Variants in PRKAG2 observed in about 807,000 individuals in gnomAD.
The protein encoded by PRKAG2 is protein kinase AMP-activated non-catalytic subunit gamma 2, also known as 5'-AMP-activated protein kinase subunit gamma-2.
A neutral mutation model predicts 69.6 loss-of-function variants in PRKAG2; 26 were observed. The observed-to-expected ratio is 0.37, with a 90% confidence interval of 0.27 to 0.52. The LOEUF (loss-of-function observed/expected upper bound fraction) is 0.52, where lower values mean the gene tolerates loss of function less well. Ranked by LOEUF, PRKAG2 falls within the 20% of genes least tolerant of loss-of-function variation. PRKAG2 has a pLI of 0.90. For missense variants in PRKAG2, 557 were observed against 740.0 expected, an observed-to-expected ratio of 0.75 and a Z score of 2.87; for synonymous variants, 293 against 285.0, an observed-to-expected ratio of 1.03 and a Z score of -0.28.
At chr7:151,830,663 G>C (rs73160039) in intron 1 of PRKAG2, among the ~76,000 whole-genome samples, 38,581 of 151,572 alleles carry the variant, frequency 0.25, 5,507 homozygotes, top group Non-Finnish European at 0.29. Flanking sequence ...CCCCGGGGGC[G>C]GGGGGAAGAG....
At chr7:151,869,402 C>T (rs2080160050) in intron 1 of PRKAG2, among the ~76,000 whole-genome samples, 3 of 152,194 alleles carry the variant, frequency 2.0e-5, no homozygotes, top group East Asian at 1.9e-4. Context: ...GGCAGAGATG[C>T]ATATTTCACC....
chr7:151,767,988 C>A (rs1376295521), intron 3 of PRKAG2, among the ~76,000 whole-genome samples: 4 of 152,168 alleles, frequency 2.6e-5, no homozygotes, highest in Non-Finnish European at 5.9e-5. Flanking sequence ...TGAGGTAGGG[C>A]AGGAGAAGCA....
intron 3 of PRKAG2, among the ~76,000 whole-genome samples, chr7:151,710,842 T>C (rs1362135686): frequency 6.6e-6 from 1 of 152,206 alleles, no homozygotes; most frequent in Non-Finnish European, 1.5e-5. Flanking sequence ...CAGCAGAGTC[T>C]AGAATATTGC....
intron 1 of PRKAG2, chr7:151,806,999 C>T (rs1450897723): frequency 8.8e-6 from 4 of 456,294 alleles, no homozygotes; most frequent in Admixed American, 4.7e-5. Flanking sequence ...TTGTGTCCAC[C>T]TGGGTTCAGA....
intron 1 of PRKAG2, among the ~76,000 whole-genome samples, chr7:151,829,017 T>C (rs1214656674): frequency 6.6e-6 from 1 of 151,884 alleles, no homozygotes; most frequent in Non-Finnish European, 1.5e-5. Flanking sequence ...AAAGCATAGG[T>C]AACAAAAGAA....
chr7:151,585,806 C>T (rs1156922201), intron 6 of PRKAG2, among the ~76,000 whole-genome samples: 2 of 152,110 alleles, frequency 1.3e-5, no homozygotes, highest in Non-Finnish European at 2.9e-5. Flanking sequence ...AGCTGGGGCT[C>T]CCCAGAAGGC....
Position 151,560,246 on chromosome 7 carries a change from G to A in PRKAG2, c.1678+278C>T. On this transcript the variant is annotated intron_variant, in intron 15 of 15. Coordinates refer to ENST00000287878, the MANE Select transcript of PRKAG2 (RefSeq NM_016203.4). ...TGAAGAGGTCTTTTCAGTGGAAAAGGTTATGATGAACATGGCAATGGCTCC... is the reference window on the plus strand; with the variant it reads ...TGAAGAGGTCTTTTCAGTGGAAAAGATTATGATGAACATGGCAATGGCTCC... 3.0e-6 allele frequency: 4 copies of A among 1,317,378 alleles called. No individual in the cohort carries two copies. In the East Asian group the frequency reaches 1.1e-4, roughly 37 times the overall value. The allele number at this position is 1,317,378 out of a possible 1,614,324, so 81.6% of individuals were successfully genotyped here. A position where few individuals can be genotyped will look rare whatever the true frequency, so the allele number is the denominator to read the frequency against.
chr7:151,649,513 G>T (rs2151389831), intron 4 of PRKAG2, among the ~76,000 whole-genome samples: 1 of 152,266 alleles, frequency 6.6e-6, no homozygotes, highest in South Asian at 2.1e-4. Flanking sequence ...ATATGGTTTG[G>T]ATCTGTGTCC....
At chr7:151,865,854 T>C (rs192017805) in intron 1 of PRKAG2, among the ~76,000 whole-genome samples, 131 of 151,842 alleles carry the variant, frequency 8.6e-4, no homozygotes, top group African/African-American at 2.8e-3. Context: ...CCCGTCTCTA[T>C]TAAAAAATAC....
rs2079118447 is a variant in PRKAG2 at position 151,835,120 on chromosome 7, AAGAGGTCACATTCACAGGTAC to A, written c.114+41366_114+41386del. Among the ~76,000 whole-genome samples the A allele has an allele frequency of 6.6e-6, 1 of 152,196 alleles. No individual in the cohort carries two copies. Among genetic ancestry groups the A allele is most frequent in the Non-Finnish European group, 1.5e-5 (1 of 68,022 alleles). On this transcript the variant is annotated intron_variant, in intron 1 of 15. Transcript: ENST00000287878. This position sits in a 1 kb window ranked among gnomAD's most constrained non-coding sequence, Gnocchi z 4.1. ...ACATCGGAAACGACCCTGTTTCCAA[AAGAGGTCACATTCACAGGTAC>A]AGAGGGTTAGGATTTGGACACATCT...
chr7:151,632,261 CA>C lies in PRKAG2; in HGVS notation c.685-124del. ...CGCGCCGCCGGGAGGAGGGGCCTGG[CA>C]GGGGACGCGGGCAGCGGGGGCCGGG... On this transcript the variant is annotated intron_variant, in intron 4 of 15. Coordinates refer to ENST00000287878, the MANE Select transcript of PRKAG2 (RefSeq NM_016203.4). This position sits in a 1 kb window ranked among gnomAD's most constrained non-coding sequence, Gnocchi z 4.2. The C allele has an allele frequency of 9.6e-7, 1 of 1,044,306 alleles. No homozygotes were observed. Among genetic ancestry groups the C allele is most frequent in the Non-Finnish European group, 1.2e-6 (1 of 869,004 alleles). The allele number at this position is 1,044,306 out of a possible 1,614,324, so 64.7% of individuals were successfully genotyped here.
chr7:151,743,724 C>T (rs1006479641), intron 3 of PRKAG2, among the ~76,000 whole-genome samples: 10 of 152,184 alleles, frequency 6.6e-5, no homozygotes, highest in African/African-American at 2.2e-4. Flanking sequence ...GGTCAGGGAA[C>T]AGCAAGCCAG....
At chr7:151,831,951 T>C (rs1049044623) in intron 1 of PRKAG2, among the ~76,000 whole-genome samples, 4 of 152,052 alleles carry the variant, frequency 2.6e-5, no homozygotes, top group Non-Finnish European at 4.4e-5. Context: ...GGGTGGCTGC[T>C]GCATCCACCA....
chr7:151,687,410 T>C (rs979234143), intron 3 of PRKAG2, among the ~76,000 whole-genome samples: 1 of 152,206 alleles, frequency 6.6e-6, no homozygotes, highest in African/African-American at 2.4e-5. Flanking sequence ...CCATATACAA[T>C]GGTTTCGGAA....
At chr7:151,576,239 C>T in intron 7 of PRKAG2, 132 bp downstream of exon 7, 2 of 954,314 alleles carry the variant, frequency 2.1e-6, no homozygotes, top group Non-Finnish European at 3.3e-6. Flanking sequence ...CTGCACCCTG[C>T]CAGCAAGAAT....
chr7:151,850,280 G>A lies in PRKAG2; in HGVS notation c.114+26227C>T, dbSNP rs931749262. On this transcript the variant is annotated intron_variant, in intron 1 of 15. Transcript: ENST00000287878. This position sits in a 1 kb window ranked among gnomAD's most constrained non-coding sequence, Gnocchi z 4.1. The stretch of plus-strand genomic sequence containing the variant: ...GAGGTACAGTCCCCTCACCTAGAAC[G>A]CTTCTTGAGTGTTTAATGGAAAGAC... Among the ~76,000 whole-genome samples, 4 of 152,222 alleles carry A rather than the reference G, an allele frequency of 2.6e-5. No individual in the cohort carries two copies. The highest frequency in any genetic ancestry group is 2.1e-4 in the South Asian group (1 of 4,832).
At chr7:151,863,474 C>T (rs983978031) in intron 1 of PRKAG2, among the ~76,000 whole-genome samples, 2 of 152,100 alleles carry the variant, frequency 1.3e-5, no homozygotes, top group Admixed American at 1.3e-4. Context: ...AATGCTTCAT[C>T]GCCCTTCCCC....
intron 1 of PRKAG2, among the ~76,000 whole-genome samples, chr7:151,848,185 C>T (rs2079480210): frequency 6.6e-6 from 1 of 152,198 alleles, no homozygotes; most frequent in Non-Finnish European, 1.5e-5. Context: ...CATGCTGAAA[C>T]TTAATCCCTC....
At position 151,632,066 on chromosome 7, in the gene PRKAG2, C is replaced by T; in HGVS notation, c.754+3G>A. ...GGGCCGGCAGCGGGCGGGGCGCACT[C>T]ACCTTCGTCCTCGAACTCCAGCTTC... is the stretch of plus-strand genomic sequence containing the variant. On this transcript the variant is annotated splice_donor_region_variant and intron_variant, in intron 5 of 15. Coordinates refer to ENST00000287878, the MANE Select transcript of PRKAG2 (RefSeq NM_016203.4). The surrounding 1 kb of genome is among the most constrained non-coding windows in gnomAD (Gnocchi z 4.2). 7.2e-7 allele frequency: 1 copy of T among 1,392,976 alleles called. No individual in the cohort carries two copies. Among genetic ancestry groups the T allele is most frequent in the Non-Finnish European group, 9.4e-7 (1 of 1,059,296 alleles). The allele number at this position is 1,392,976 out of a possible 1,614,324, so 86.3% of individuals were successfully genotyped here.
Sources: gnomAD v4.1 joint callset for allele counts (sites outside exome capture counted in the v4.1 genomes callset) on GRCh38, gnomAD v4.1.1 for gene constraint, Gnocchi (gnomAD v3.1) non-coding constraint, MANE v1.5 for transcripts, NCBI Gene and HGNC (gene_info 2026-07-23, HGNC 2026-07-21) for gene names.